PTCH2: variants seen among roughly 807,000 people sequenced by gnomAD.
The protein encoded by PTCH2 is patched 2.
PTCH2 carries 96 observed loss-of-function variants against 117.9 expected under a neutral mutation model. That is an observed-to-expected ratio of 0.81 (90% CI 0.69 to 0.96). The LOEUF (loss-of-function observed/expected upper bound fraction) is 0.96, where lower values mean the gene tolerates loss of function less well. Among genes scored for constraint, PTCH2 ranks in the 50% least tolerant of loss-of-function variants. The probability of loss-of-function intolerance (pLI) is 0.00; values close to 1 mark genes in which losing one functional copy is unlikely to be tolerated. For synonymous variants in PTCH2, 615 were observed against 660.9 expected, an observed-to-expected ratio of 0.93 and a Z score of 1.06; for missense variants, 1,379 against 1,562.5, an observed-to-expected ratio of 0.88 and a Z score of 1.98.
At chr1:44,835,977 C>T (rs927777766) in intron 2 of PTCH2, among the ~76,000 whole-genome samples, 1 of 152,084 alleles carries the variant, frequency 6.6e-6, no homozygotes, top group Non-Finnish European at 1.5e-5. Context: ...TGGTGGAAAT[C>T]GGTGGAAGGG....
At chr1:44,837,687 A>G (rs539926700) in intron 2 of PTCH2, among the ~76,000 whole-genome samples, 68 of 152,278 alleles carry the variant, frequency 4.5e-4, no homozygotes, top group African/African-American at 1.6e-3. Flanking sequence ...AGCATGAGCC[A>G]CCACGCCTGG....
chr1:44,829,564 G>A lies in PTCH2; in HGVS notation c.1084-31C>T, dbSNP rs376009085. 3.5e-5 allele frequency: 56 copies of A among 1,614,070 alleles called. No individual in the cohort carries two copies. The African/African-American group carries it at 5.7e-4, about 17-fold the overall frequency. Reference sequence around the variant, plus strand: ...GAAACAGGGTGGATAGGAGGGGGCAGGAGGAGGGAATGGCCTCAGGGCACC... The same window carrying A: ...GAAACAGGGTGGATAGGAGGGGGCAAGAGGAGGGAATGGCCTCAGGGCACC... On this transcript the variant is annotated intron_variant, in intron 8 of 21. Coordinates refer to ENST00000372192, the MANE Select transcript of PTCH2 (RefSeq NM_003738.5).
rs11573549 is a variant in PTCH2, at chr1:44,839,182, G to C, written c.265+2665C>G. On this transcript the variant is annotated intron_variant, in intron 2 of 21. Transcript: ENST00000372192. ...AAGGTCAGGAGATCGAGGCCAGCATGGCCAACATGGTGACACCCTGTTTCT... is the reference window on the plus strand; with the variant it reads ...AAGGTCAGGAGATCGAGGCCAGCATCGCCAACATGGTGACACCCTGTTTCT... 8.0e-3 allele frequency among the ~76,000 whole-genome samples: 1,222 copies of C among 152,160 alleles called. 17 individuals carry two copies. Among genetic ancestry groups the C allele is most frequent in the African/African-American group, 0.028 (1,164 of 41,526 alleles).
Position 44,828,643 on chromosome 1 carries a change from G to T in PTCH2, c.1465-12C>A. ...TCGCCCATGCGCTCCTGCCAGGACAGAGTGGGGACCTGCCCTCAGGTCACA... is the reference window on the plus strand; with the variant it reads ...TCGCCCATGCGCTCCTGCCAGGACATAGTGGGGACCTGCCCTCAGGTCACA... On this transcript the variant is annotated splice_polypyrimidine_tract_variant and intron_variant, in intron 11 of 21. Coordinates refer to ENST00000372192, the MANE Select transcript of PTCH2 (RefSeq NM_003738.5). The T allele has an allele frequency of 6.2e-7, 1 of 1,610,402 alleles. No homozygotes were observed. Among genetic ancestry groups the T allele is most frequent in the South Asian group, 1.1e-5 (1 of 90,490 alleles).
intron 2 of PTCH2, among the ~76,000 whole-genome samples, chr1:44,835,537 C>T (rs1653647483): frequency 6.6e-6 from 1 of 152,058 alleles, no homozygotes; most frequent in Admixed American, 6.5e-5. Context: ...ACACTCTAAC[C>T]CACCATGAGA....
chr1:44,825,794 C>G (rs1366249577), intron 19 of PTCH2, among the ~76,000 whole-genome samples: 1 of 149,480 alleles, frequency 6.7e-6, no homozygotes. Flanking sequence ...CCCAAAATGC[C>G]CCAGCATCAT....
At position 44,822,642 on chromosome 1, in the gene PTCH2, CTG is replaced by C; in HGVS notation, c.3383_3384del (p.Pro1128ArgfsTer14). On this transcript the variant is annotated frameshift_variant, in exon 22 of 22. Transcript: ENST00000372192. LOFTEE classifies it high-confidence loss of function. ...TGTGGAGCTGGTGGACTCAGGATCTCTGGGCTTTCCTTGTACATCTGTATCAC... is the reference window on the plus strand; with the variant it reads ...TGTGGAGCTGGTGGACTCAGGATCTCGGCTTTCCTTGTACATCTGTATCAC... ...PEVIQMYKES[P>X]EILSPPAPQG... 6.2e-7 allele frequency: 1 copy of C among 1,613,924 alleles called. No homozygotes were observed. The highest frequency in any genetic ancestry group is 8.5e-7 in the Non-Finnish European group (1 of 1,179,882).
chr1:44,827,947 T>C lies in PTCH2; in HGVS notation c.1954A>G (p.Thr652Ala). The C allele has an allele frequency of 6.2e-7, 1 of 1,614,142 alleles. No individual in the cohort carries two copies. The highest frequency in any genetic ancestry group is 8.5e-7 in the Non-Finnish European group (1 of 1,180,034). Residue 652 changes from threonine to alanine, a missense_variant, in exon 14 of 22, where the codon ACA (threonine) becomes GCA (alanine). Thr to Ala is a moderately conservative substitution (Grantham distance 58). Coordinates refer to ENST00000372192, the MANE Select transcript of PTCH2 (RefSeq NM_003738.5). ...TRDLLGQEEETRQKAACKSLP... is the reference protein window; with the variant it reads ...TRDLLGQEEEARQKAACKSLP... ...GACTTGCAGGCTGCCTTCTGCCTTG[T>C]CTCCTCCTCCTGGCCTAGAAGGTCC...
chr1:44,841,676 T>G (rs1033837457), intron 2 of PTCH2, among the ~76,000 whole-genome samples, 171 bp downstream of exon 2: 2 of 152,222 alleles, frequency 1.3e-5, no homozygotes, highest in African/African-American at 4.8e-5. Context: ...TGTCCATTTA[T>G]GGTTGTGGGA....
In PTCH2 at chr1:44,821,950, G is replaced by T; in HGVS notation, c.*465C>A. 3 of 1,339,128 alleles carry T rather than the reference G, an allele frequency of 2.2e-6. No individual in the cohort carries two copies. Among genetic ancestry groups the T allele is most frequent in the Non-Finnish European group, 3.0e-6 (3 of 1,010,068 alleles). 83.0% of individuals were successfully genotyped at this position (1,339,128 alleles called of 1,614,324 possible). A position where few individuals can be genotyped will look rare whatever the true frequency, so the allele number is the denominator to read the frequency against. ...AAGTCATCTGAGATTAGTTCACATA[G>T]AATATATTTCATTCTTTAAAAAATA... On this transcript the variant is annotated 3_prime_UTR_variant, in exon 22 of 22. Transcript: ENST00000372192.
downstream of PTCH2, among the ~76,000 whole-genome samples, chr1:44,820,989 G>T (rs1652886213): frequency 6.6e-6 from 1 of 152,106 alleles, no homozygotes. Context: ...ATTGCAATAG[G>T]CGTTTTTTGT....
Position 44,823,232 on chromosome 1 carries a change from G to A in PTCH2, c.3257+11C>T, listed in dbSNP as rs1652991518. Reference sequence around the variant, plus strand: ...CCTGAGCCCTGCCTCCCTGCCCCGAGCCCTCCCTACCTTACAATGAAGTCA... The same window carrying A: ...CCTGAGCCCTGCCTCCCTGCCCCGAACCCTCCCTACCTTACAATGAAGTCA... On this transcript the variant is annotated intron_variant, in intron 20 of 21. Transcript: ENST00000372192. The surrounding 1 kb of genome is among the most constrained non-coding windows in gnomAD (Gnocchi z 5.1). 6.2e-7 allele frequency: 1 copy of A among 1,614,190 alleles called. No individual in the cohort carries two copies. The highest frequency in any genetic ancestry group is 2.2e-5 in the East Asian group (1 of 44,890).
Position 44,832,299 on chromosome 1 carries a change from T to C in PTCH2, c.308A>G (p.Lys103Arg). 6.2e-7 allele frequency: 1 copy of C among 1,614,220 alleles called. No individual in the cohort carries two copies. The highest frequency in any genetic ancestry group is 1.1e-5 in the South Asian group (1 of 91,090). The change falls in exon 3 of 22, where the codon AAG becomes AGG. Residue 103 changes from lysine (K) to arginine (R), a missense_variant. Physicochemically the swap from Lys to Arg is conservative, Grantham distance 26. Coordinates refer to ENST00000372192, the MANE Select transcript of PTCH2 (RefSeq NM_003738.5). ...VSQELHYTKE[K>R]LGEEAAYTSQ... ...GGTGTATGCAGCCTCCTCCCCCAGC[T>C]TCTCCTTGGTGTAATGCAGCTCCTG...
chr1:44,820,179 G>T (rs560834132), downstream of PTCH2: 42 of 351,928 alleles, frequency 1.2e-4, no homozygotes, highest in South Asian at 8.3e-4. Context: ...GCATCTTGAG[G>T]GTATCTTTTC....
At position 44,841,980 on chromosome 1, in the gene PTCH2, G is replaced by C. The variant is rs778649189; in HGVS notation, c.132C>G (p.Leu44=). Residue 44 remains leucine (L), a synonymous_variant, in exon 2 of 22, where the codon CTC becomes CTG. Transcript: ENST00000372192. ...TCTGGATCCCGCATCCCAGAGAGAA[G>C]AGCAGGCCCTGGAAGTAAGCACGAA... ...LWLRAYFQGL[L]FSLGCGIQRH... 1.1e-5 allele frequency: 17 copies of C among 1,614,198 alleles called. No homozygotes were observed. In the East Asian group the frequency reaches 3.6e-4, roughly 34 times the overall value.
chr1:44,827,347 C>T (rs370175353), intron 15 of PTCH2, 38 bp from the exon 16 acceptor site: 9 of 1,613,538 alleles, frequency 5.6e-6, no homozygotes, highest in Non-Finnish European at 7.6e-6. Context: ...TAGCTGGTGG[C>T]CCCAGGGCGT....
At chr1:44,820,490 C>T (rs2148870029), downstream of PTCH2, 5 of 686,086 alleles carry the variant, frequency 7.3e-6, no homozygotes, top group Non-Finnish European at 1.1e-5. Flanking sequence ...AGGCACGACC[C>T]CACCCCTCCT....
In PTCH2 at chr1:44,842,002, C is replaced by T. The variant is rs889058469; in HGVS notation, c.110G>A (p.Arg37His). The change falls in exon 2 of 22, where the codon CGT becomes CAT. Residue 37 changes from arginine to histidine, a missense_variant. By Grantham distance (29) the Arg-to-His change is conservative. Coordinates refer to ENST00000372192, the MANE Select transcript of PTCH2 (RefSeq NM_003738.5). ...AGSLKAPLWL[R>H]AYFQGLLFSL... ...GAAGAGCAGGCCCTGGAAGTAAGCA[C>T]GAAGCCAGAGTGGAGCCTTCAGGCT... 7.4e-6 allele frequency: 12 copies of T among 1,613,962 alleles called. No individual in the cohort carries two copies. Among genetic ancestry groups the T allele is most frequent in the South Asian group, 2.2e-5 (2 of 91,090 alleles).
At chr1:44,820,254 A>G (rs1269450707), downstream of PTCH2, 1 of 407,864 alleles carries the variant, frequency 2.5e-6, no homozygotes, top group Admixed American at 2.8e-5. Flanking sequence ...CGGGGAAGCC[A>G]TGGGTCACTG....
Sources: gnomAD v4.1 joint callset for allele counts (sites outside exome capture counted in the v4.1 genomes callset) on GRCh38, gnomAD v4.1.1 for gene constraint, Gnocchi (gnomAD v3.1) non-coding constraint, MANE v1.5 for transcripts, NCBI Gene and HGNC (gene_info 2026-07-23, HGNC 2026-07-21) for gene names.